KRT38: variants seen among roughly 807,000 people sequenced by gnomAD.
KRT38 encodes the protein keratin, type I cuticular Ha8.
KRT38 carries 45 observed loss-of-function variants against 43.1 expected under a neutral mutation model. That is an observed-to-expected ratio of 1.04 (90% CI 0.82 to 1.34). The LOEUF (loss-of-function observed/expected upper bound fraction) is 1.34. Ranked by LOEUF, KRT38 falls within the 40% of genes most tolerant of loss-of-function variation. KRT38 has a pLI of 0.00. For synonymous variants in KRT38, 258 were observed against 244.0 expected (o/e 1.06, Z -0.53); for missense variants, 627 against 586.2 (o/e 1.07, Z -0.72).
Position 41,440,241 on chromosome 17 carries a change from G to T in KRT38, c.495C>A (p.Ile165=). ...FHTIEELQQK[I]LCSKAENARL... is the part of the protein sequence containing the mutation. ...TGGCATTCTCGGCCTTGCTGCACAG[G>T]ATCTGAGGAGAACAGGAAGACAGTT... Residue 165 remains isoleucine (I), a splice_region_variant and synonymous_variant, in exon 2 of 7, where the codon ATC becomes ATA. Transcript: ENST00000246646. The T allele has an allele frequency of 6.2e-7, 1 of 1,614,110 alleles. No individual in the cohort carries two copies. The highest frequency in any genetic ancestry group is 8.5e-7 in the Non-Finnish European group (1 of 1,179,982).
rs1411113088 is a variant in KRT38 at position 41,437,430 on chromosome 17, G to A, written c.1353C>T (p.Thr451=). The A allele has an allele frequency of 1.9e-6, 3 of 1,568,448 alleles. No homozygotes were observed. Among genetic ancestry groups the A allele is most frequent in the Non-Finnish European group, 2.6e-6 (3 of 1,161,922 alleles). The change falls in exon 7 of 7, where the codon ACC becomes ACT. Residue 451 remains threonine, a synonymous_variant. Coordinates refer to ENST00000246646, the MANE Select transcript of KRT38 (RefSeq NM_006771.4). The part of the protein sequence containing the change: ...TTCGPTCGAS[T]TGSRF ...CAGGAATTCAGAATCGGCTTCCGGT[G>A]GTGCTGGCTCCACAGGTGGGCCCAC...
Position 41,439,262 on chromosome 17 carries a change from C to G in KRT38, c.673G>C (p.Glu225Gln). The change falls in exon 3 of 7, where the codon GAG (glutamate) becomes CAG (glutamine). Residue 225 changes from glutamate (E) to glutamine (Q), a missense_variant. Coordinates refer to ENST00000246646, the MANE Select transcript of KRT38 (RefSeq NM_006771.4). ...TCCTTCAGGGACTCCTGCTGGGCCTCCAGGTCGGCCTTGGCCAGGGTCGCA... is the reference window on the plus strand; with the variant it reads ...TCCTTCAGGGACTCCTGCTGGGCCTGCAGGTCGGCCTTGGCCAGGGTCGCA... The part of the protein sequence containing the change: ...DDATLAKADL[E>Q]AQQESLKEEQ... 1 of 1,614,228 alleles carries G rather than the reference C, an allele frequency of 6.2e-7. No homozygotes were observed. The highest frequency in any genetic ancestry group is 8.5e-7 in the Non-Finnish European group (1 of 1,180,040).
Position 41,438,785 on chromosome 17 carries a change from A to G in KRT38, c.806T>C (p.Leu269Pro). Residue 269 changes from leucine to proline, a missense_variant, in exon 4 of 7, where the codon CTG becomes CCG. Transcript: ENST00000246646. ...CCGCATCTCCCCCAGCACCCTGTTC[A>G]GGTCAATGGTGGGCTCAATGTCCAG... ...IELDIEPTID[L>P]NRVLGEMRAQ... The G allele has an allele frequency of 1.2e-6, 2 of 1,614,070 alleles. No individual in the cohort carries two copies. Among genetic ancestry groups the G allele is most frequent in the Non-Finnish European group, 1.7e-6 (2 of 1,180,012 alleles).
chr17:41,438,217 G>A lies in KRT38; in HGVS notation c.1117C>T (p.Leu373=), dbSNP rs1343537119. The A allele has an allele frequency of 1.9e-6, 3 of 1,614,028 alleles. No individual in the cohort carries two copies. The highest frequency in any genetic ancestry group is 1.7e-6 in the Non-Finnish European group (2 of 1,180,032). The change falls in exon 6 of 7, where the codon CTG becomes TTG. Residue 373 remains leucine (L), a synonymous_variant. Transcript: ENST00000246646. ...QSLISNVEEQ[L]SEIRADLERQ... ...TCCAGGTCGGCCCGGATCTCAGACAGCTGCTCCTCCACGTTGCTGATGAGG... is the reference window on the plus strand; with the variant it reads ...TCCAGGTCGGCCCGGATCTCAGACAACTGCTCCTCCACGTTGCTGATGAGG...
At position 41,437,287 on chromosome 17, in the gene KRT38, T is replaced by G; in HGVS notation, c.*125A>C. ...TCCATCAAGATTCCACTGTCCCTGG[T>G]ATCTCATAGCCTTTGGACAGGCCTA... On this transcript the variant is annotated 3_prime_UTR_variant, in exon 7 of 7. Transcript: ENST00000246646. 1.1e-6 allele frequency: 1 copy of G among 948,014 alleles called. No homozygotes were observed. Among genetic ancestry groups the G allele is most frequent in the Non-Finnish European group, 1.4e-6 (1 of 701,198 alleles). 58.7% of individuals were successfully genotyped at this position (948,014 alleles called of 1,614,324 possible).
rs747582005 is a variant in KRT38, at chr17:41,437,523, G to A, written c.1260C>T (p.Cys420=). Reference sequence around the variant, plus strand: ...CAGTCACGCAGGAGGGAGACGTGGAGCACGGATTGCAGGGGAGTCTGCAGA... The same window carrying A: ...CAGTCACGCAGGAGGGAGACGTGGAACACGGATTGCAGGGGAGTCTGCAGA... ...SEDCKLPCNP[C]STSPSCVTAP... is the part of the protein sequence containing the mutation. The change falls in exon 7 of 7, where the codon TGC becomes TGT. Residue 420 remains cysteine, a synonymous_variant. Transcript: ENST00000246646. The A allele has an allele frequency of 2.6e-5, 41 of 1,563,160 alleles. No homozygotes were observed. The highest frequency in any genetic ancestry group is 3.4e-5 in the Non-Finnish European group (39 of 1,162,186).
intron 2 of KRT38, among the ~76,000 whole-genome samples, 189 bp from the exon 3 acceptor site, chr17:41,439,548 C>A (rs1487215059): frequency 6.6e-6 from 1 of 152,232 alleles, no homozygotes. Context: ...GAAATCACAA[C>A]ACTACATTGC....
chr17:41,439,821 A>G (rs553417394), intron 2 of KRT38, among the ~76,000 whole-genome samples: 2 of 152,294 alleles, frequency 1.3e-5, no homozygotes, highest in Non-Finnish European at 2.9e-5. Flanking sequence ...AAATCTGGAC[A>G]AAGACTCATC....
chr17:41,440,535 A>T lies in KRT38; in HGVS notation c.387T>A (p.Asn129Lys). Residue 129 changes from asparagine (N) to lysine (K), a missense_variant, in exon 1 of 7, where the codon AAT becomes AAA. Coordinates refer to ENST00000246646, the MANE Select transcript of KRT38 (RefSeq NM_006771.4). Reference sequence around the variant, plus strand: ...CGAGGAGTGTGGCCTCCAGCTCCGCATTCTCCTGCTCCAGCTGGCGCACCT... The same window carrying T: ...CGAGGAGTGTGGCCTCCAGCTCCGCTTTCTCCTGCTCCAGCTGGCGCACCT... ...LEKVRQLEQE[N>K]AELEATLLER... The T allele has an allele frequency of 6.2e-7, 1 of 1,614,202 alleles. No individual in the cohort carries two copies. Among genetic ancestry groups the T allele is most frequent in the Non-Finnish European group, 8.5e-7 (1 of 1,180,042 alleles).
intron 4 of KRT38, 30 bp downstream of exon 4, chr17:41,438,667 A>AC: frequency 6.4e-7 from 1 of 1,572,596 alleles, no homozygotes; most frequent in Non-Finnish European, 8.6e-7. Flanking sequence ...GAGGCCAGGT[A>AC]CCCCCTGGTT....
At position 41,438,126 on chromosome 17, in the gene KRT38, G is replaced by T. The variant is rs767358006; in HGVS notation, c.1208C>A (p.Thr403Lys). The change falls in exon 6 of 7, where the codon ACG (threonine) becomes AAG (lysine). Residue 403 changes from threonine to lysine, a missense_variant. Transcript: ENST00000246646. ...VKTRLENEIA[T>K]YRNLLESEDC... The stretch of plus-strand genomic sequence containing the variant: ...CTCGCTTTCCAGAAGGTTCCGGTAC[G>T]TGGCAATCTCATTCTCCAGCCGGGT... 2 of 1,614,160 alleles carry T rather than the reference G, an allele frequency of 1.2e-6. No individual in the cohort carries two copies. The highest frequency in any genetic ancestry group is 1.1e-5 in the South Asian group (1 of 91,078).
Position 41,440,946 on chromosome 17 carries a change from A to T in KRT38, c.-25T>A, listed in dbSNP as rs371151813. 2.3e-5 allele frequency: 35 copies of T among 1,514,810 alleles called. No homozygotes were observed. The African/African-American group carries it at 4.1e-4, about 18-fold the overall frequency. 93.8% of individuals were successfully genotyped at this position (1,514,810 alleles called of 1,614,324 possible). A position where few individuals can be genotyped will look rare whatever the true frequency, so the allele number is the denominator to read the frequency against. ...TGGTGTTGGGCTGAGGCTGCACAGG[A>T]GCTTCAGATCAGCTGGGAAAGCTGA... On this transcript the variant is annotated 5_prime_UTR_variant, in exon 1 of 7. Transcript: ENST00000246646.
chr17:41,437,955 G>T, intron 6 of KRT38, 138 bp downstream of exon 6: 1 of 801,550 alleles, frequency 1.2e-6, no homozygotes, highest in Non-Finnish European at 2.0e-6. Context: ...CATGGAGTGT[G>T]CAGGACAGGG....
Position 41,437,538 on chromosome 17 carries a change from G to A in KRT38, c.1245C>T (p.Leu415=), listed in dbSNP as rs201031533. Residue 415 remains leucine, a synonymous_variant, in exon 7 of 7, where the codon CTC becomes CTT. Transcript: ENST00000246646. ...RNLLESEDCK[L]PCNPCSTSPS... ...GAGACGTGGAGCACGGATTGCAGGG[G>A]AGTCTGCAGAGAGACAAGGTGAGGG... 2 of 1,562,790 alleles carry A rather than the reference G, an allele frequency of 1.3e-6. No homozygotes were observed. The highest frequency in any genetic ancestry group is 2.4e-5 in the South Asian group (2 of 83,324).
rs549691557 is a variant in KRT38, at chr17:41,438,729, G to T, written c.862C>A (p.Arg288Ser). 1.9e-6 allele frequency: 3 copies of T among 1,613,836 alleles called. No individual in the cohort carries two copies. Among genetic ancestry groups the T allele is most frequent in the Non-Finnish European group, 2.5e-6 (3 of 1,179,956 alleles). The change falls in exon 4 of 7, where the codon CGC (arginine) becomes AGC (serine). Residue 288 changes from arginine to serine, a missense_variant. By Grantham distance (110) the Arg-to-Ser change is moderately radical. Coordinates refer to ENST00000246646, the MANE Select transcript of KRT38 (RefSeq NM_006771.4). ...AQYEAMLETN[R>S]QDVEQWFQAQ... ...TGGAACCACTGTTCCACATCCTGGC[G>T]GTTGGTCTCCAACATGGCCTCATAC... is the stretch of plus-strand genomic sequence containing the variant.
At position 41,437,373 on chromosome 17, in the gene KRT38, A is replaced by G; in HGVS notation, c.*39T>C. 1 of 1,498,752 alleles carries G rather than the reference A, an allele frequency of 6.7e-7. No homozygotes were observed. Among genetic ancestry groups the G allele is most frequent in the Non-Finnish European group, 8.9e-7 (1 of 1,129,806 alleles). The allele number at this position is 1,498,752 out of a possible 1,614,324, so 92.8% of individuals were successfully genotyped here. On this transcript the variant is annotated 3_prime_UTR_variant, in exon 7 of 7. Coordinates refer to ENST00000246646, the MANE Select transcript of KRT38 (RefSeq NM_006771.4). ...GTATAACAAGCATCTCTCTTTGGGT[A>G]TCCCTCGCCTTAGCCAGCCCCTGTG... is the stretch of plus-strand genomic sequence containing the variant.
Position 41,438,538 on chromosome 17 carries a change from A to T in KRT38, c.973T>A (p.Cys325Ser). 1.9e-6 allele frequency: 3 copies of T among 1,614,160 alleles called. No homozygotes were observed. The highest frequency in any genetic ancestry group is 2.5e-6 in the Non-Finnish European group (3 of 1,180,016). The change falls in exon 5 of 7, where the codon TGC (cysteine) becomes AGC (serine). Residue 325 changes from cysteine (C) to serine (S), a missense_variant. By Grantham distance (112) the Cys-to-Ser change is moderately radical. Coordinates refer to ENST00000246646, the MANE Select transcript of KRT38 (RefSeq NM_006771.4). ...TCCACCTCCAGGGCATTCACCGTGC[A>T]TCTCAGCTCCAGGATCTCCGACTGG... ...CCQSEILELR[C>S]TVNALEVERQ...
chr17:41,440,450 T>C lies in KRT38; in HGVS notation c.472A>G (p.Ile158Val). ...CTCACCTTCTGTTGGAGCTCCTCGA[T>C]GGTGTGGAAGTAAGACTGGTAGTCG... ...CPDYQSYFHT[I>V]EELQQKILCS... The change falls in exon 1 of 7, where the codon ATC becomes GTC. Residue 158 changes from isoleucine (I) to valine (V), a missense_variant. Transcript: ENST00000246646. 1 of 1,614,062 alleles carries C rather than the reference T, an allele frequency of 6.2e-7. No individual in the cohort carries two copies. The highest frequency in any genetic ancestry group is 1.3e-5 in the African/African-American group (1 of 75,046).
chr17:41,439,420 C>T (rs2018771099), intron 2 of KRT38, 61 bp from the exon 3 acceptor site: 7 of 1,572,812 alleles, frequency 4.5e-6, no homozygotes, highest in East Asian at 2.2e-5. Flanking sequence ...CTCGGCTGCC[C>T]TGGCTTCCTA....
Sources: allele counts gnomAD v4.1 joint callset (sites outside exome capture counted in the v4.1 genomes callset), GRCh38; gene constraint gnomAD v4.1.1; transcripts MANE v1.5; gene names NCBI Gene and HGNC (gene_info 2026-07-23, HGNC 2026-07-21).